Variants in RELN observed in about 807,000 individuals in gnomAD.
RELN encodes reelin.
RELN carries 108 observed loss-of-function variants against 427.6 expected under a neutral mutation model. The ratio of observed to expected loss-of-function variants is 0.25; its 90% CI spans 0.22 to 0.30. The LOEUF is 0.30. RELN is among the 10% of genes least tolerant of loss of function. RELN has a pLI of 1.00. For missense variants in RELN, 3,715 were observed against 4,302.8 expected (o/e 0.86, Z 3.82); for synonymous variants, 1,524 against 1,513.4 (o/e 1.01, Z -0.16).
rs141653622 is a variant in RELN, at chr7:103,829,470, T to C, written c.473+4067A>G. On this transcript the variant is annotated intron_variant, in intron 3 of 64. Coordinates refer to ENST00000428762, the MANE Select transcript of RELN (RefSeq NM_005045.4). ...TGAAGACTATAATCAGATATAAAAGTAAAAACAAACCATATTGCCACAGGA... is the reference window on the plus strand; with the variant it reads ...TGAAGACTATAATCAGATATAAAAGCAAAAACAAACCATATTGCCACAGGA... 1.6e-3 allele frequency among the ~76,000 whole-genome samples: 240 copies of C among 151,974 alleles called. 1 individual carries two copies. Among genetic ancestry groups the C allele is most frequent in the African/African-American group, 5.5e-3 (229 of 41,506 alleles).
chr7:103,633,733 T>C (rs1832519800), intron 19 of RELN, among the ~76,000 whole-genome samples: 1 of 152,192 alleles, frequency 6.6e-6, no homozygotes, highest in Admixed American at 6.5e-5. Flanking sequence ...GATTGATTAC[T>C]GAATTTTGCA....
chr7:103,632,715 T>G (rs1394576701), intron 19 of RELN, among the ~76,000 whole-genome samples: 1 of 152,132 alleles, frequency 6.6e-6, no homozygotes, highest in African/African-American at 2.4e-5. Flanking sequence ...CCTAACCTCA[T>G]AGATTTTTTT....
At chr7:103,586,341 C>A (rs140731221) in intron 28 of RELN, among the ~76,000 whole-genome samples, 1 of 151,492 alleles carries the variant, frequency 6.6e-6, no homozygotes, top group Non-Finnish European at 1.5e-5. Context: ...CCAGCCTGGG[C>A]GACAGAGTGA....
intron 3 of RELN, among the ~76,000 whole-genome samples, chr7:103,786,517 C>CAAAAAAA (rs66567252): frequency 2.0e-5 from 2 of 98,590 alleles, no homozygotes; most frequent in Non-Finnish European, 4.0e-5. Context: ...AAAATGGAAC[C>CAAAAAAA]AAAAAAAAAA....
intron 3 of RELN, among the ~76,000 whole-genome samples, chr7:103,792,948 C>T (rs1328591265): frequency 1.3e-5 from 2 of 151,994 alleles, no homozygotes; most frequent in African/African-American, 2.4e-5. Context: ...GGAAAAAATA[C>T]ATTTTTGTTG....
chr7:103,920,891 A>T lies in RELN; in HGVS notation c.227-3706T>A, dbSNP rs532401616. 1.3e-4 allele frequency among the ~76,000 whole-genome samples: 20 copies of T among 152,252 alleles called. No individual in the cohort carries two copies. The South Asian group carries it at 3.7e-3, about 28-fold the overall frequency. Reference sequence around the variant, plus strand: ...ACCCACCTGTTGTACTAGTCTTTTAACTTTCATTTTAGAAAACATTTATAT... The same window carrying T: ...ACCCACCTGTTGTACTAGTCTTTTATCTTTCATTTTAGAAAACATTTATAT... On this transcript the variant is annotated intron_variant, in intron 1 of 64. Transcript: ENST00000428762.
intron 11 of RELN, among the ~76,000 whole-genome samples, chr7:103,675,374 A>G (rs59293053): frequency 0.03 from 4,637 of 152,292 alleles, 237 homozygotes; most frequent in African/African-American, 0.11. Flanking sequence ...ACCACTGCTC[A>G]ACAAAATAAA....
At chr7:103,672,358 C>A (rs1346870937) in intron 11 of RELN, among the ~76,000 whole-genome samples, 1 of 152,016 alleles carries the variant, frequency 6.6e-6, no homozygotes, top group African/African-American at 2.4e-5. Flanking sequence ...GCAAAGATGG[C>A]GTGGAAATGT....
At chr7:103,645,915 C>G (rs1005040051) in intron 16 of RELN, among the ~76,000 whole-genome samples, 53 of 151,718 alleles carry the variant, frequency 3.5e-4, no homozygotes, top group African/African-American at 1.2e-3. Context: ...TTTAAGAAAT[C>G]AAAATCATAT....
At chr7:103,498,784 G>T (rs954477871) in intron 53 of RELN, among the ~76,000 whole-genome samples, 1 of 151,976 alleles carries the variant, frequency 6.6e-6, no homozygotes, top group Admixed American at 6.5e-5. Flanking sequence ...GAGCCACCAT[G>T]CCTGGCCATA....
intron 38 of RELN, among the ~76,000 whole-genome samples, chr7:103,556,483 C>T (rs1041361624): frequency 8.6e-5 from 13 of 151,440 alleles, no homozygotes; most frequent in South Asian, 4.2e-4. Flanking sequence ...CTTGTTGATA[C>T]GGTTTGGCTC....
At chr7:103,766,457 G>A (rs568655985) in intron 4 of RELN, among the ~76,000 whole-genome samples, 10 of 152,302 alleles carry the variant, frequency 6.6e-5, no homozygotes, top group African/African-American at 2.2e-4. Flanking sequence ...AAGATATTTA[G>A]TAATATAAGC....
At chr7:103,577,558 CAA>C (rs11323336) in intron 28 of RELN, among the ~76,000 whole-genome samples, 1,790 of 113,484 alleles carry the variant, frequency 0.016, 27 homozygotes, top group African/African-American at 0.052. Context: ...AAAGCAAAAG[CAA>C]AAAAAAAAAA....
chr7:103,573,869 T>C lies in RELN; in HGVS notation c.4511+223A>G, dbSNP rs561260529. 6.6e-6 allele frequency among the ~76,000 whole-genome samples: 1 copy of C among 152,280 alleles called. No homozygotes were observed. Among genetic ancestry groups the C allele is most frequent in the Admixed American group, 6.5e-5 (1 of 15,290 alleles). ...CTGGCATACCCTAGACACACAGGCCTTGGTGATGACCACACATGGATTTAT... is the reference window on the plus strand; with the variant it reads ...CTGGCATACCCTAGACACACAGGCCCTGGTGATGACCACACATGGATTTAT... On this transcript the variant is annotated intron_variant, in intron 30 of 64. Coordinates refer to ENST00000428762, the MANE Select transcript of RELN (RefSeq NM_005045.4). This position sits in a 1 kb window ranked among gnomAD's most constrained non-coding sequence, Gnocchi z 4.4.
chr7:103,489,462 T>C (rs1828574480), intron 60 of RELN, among the ~76,000 whole-genome samples: 1 of 152,202 alleles, frequency 6.6e-6, no homozygotes, highest in Non-Finnish European at 1.5e-5. Flanking sequence ...TACTATACCA[T>C]ATCCTGATTT....
At chr7:103,675,865 T>G (rs1239313783) in intron 11 of RELN, among the ~76,000 whole-genome samples, 1 of 141,732 alleles carries the variant, frequency 7.1e-6, no homozygotes, top group Non-Finnish European at 1.6e-5. Flanking sequence ...ATCCCTTCCT[T>G]ACACCTTATA....
At chr7:103,600,929 C>A (rs917798800) in intron 24 of RELN, among the ~76,000 whole-genome samples, 1 of 152,182 alleles carries the variant, frequency 6.6e-6, no homozygotes, top group African/African-American at 2.4e-5. Context: ...TCTTTACTTG[C>A]ATCGACTTAC....
chr7:103,515,107 T>C, intron 50 of RELN, 78 bp downstream of exon 50: 1 of 1,573,590 alleles, frequency 6.4e-7, no homozygotes, highest in Non-Finnish European at 8.7e-7. Context: ...GGTTCCATAT[T>C]TTGCTCTTTT....
intron 3 of RELN, among the ~76,000 whole-genome samples, chr7:103,828,565 C>T (rs975523450): frequency 6.7e-6 from 1 of 148,224 alleles, no homozygotes; most frequent in Admixed American, 6.8e-5. Context: ...CCATTTTAAT[C>T]CTAATATTAT....
Sources: gnomAD v4.1 joint callset for allele counts (sites outside exome capture counted in the v4.1 genomes callset) on GRCh38, gnomAD v4.1.1 for gene constraint, Gnocchi (gnomAD v3.1) non-coding constraint, MANE v1.5 for transcripts, NCBI Gene and HGNC (gene_info 2026-07-23, HGNC 2026-07-21) for gene names.